Variants in IGHMBP2 observed in about 807,000 individuals in gnomAD.
IGHMBP2 encodes DNA-binding protein SMUBP-2.
Under a neutral mutation model 96.0 loss-of-function variants are expected in IGHMBP2, and 81 were observed. The observed-to-expected ratio is 0.84, with a 90% CI of 0.71 to 1.01. IGHMBP2 has a LOEUF of 1.01. Ranked by LOEUF, IGHMBP2 falls within the 50% of genes least tolerant of loss-of-function variation. IGHMBP2 has a pLI of 0.00. For synonymous variants in IGHMBP2, 557 were observed against 548.9 expected (o/e 1.01, Z -0.21); for missense variants, 1,227 against 1,306.3 (o/e 0.94, Z 0.94).
chr11:68,933,698 TA>T, intron 9 of IGHMBP2, 96 bp from the exon 10 acceptor site: 1 of 1,091,894 alleles, frequency 9.2e-7, no homozygotes. Flanking sequence ...CTCCCCTACC[TA>T]AGCCTTTTCC....
chr11:68,904,056 C>T lies in IGHMBP2; in HGVS notation c.86+18C>T. 6.5e-7 allele frequency: 1 copy of T among 1,542,584 alleles called. No individual in the cohort carries two copies. Among genetic ancestry groups the T allele is most frequent in the Non-Finnish European group, 8.8e-7 (1 of 1,140,386 alleles). On this transcript the variant is annotated intron_variant, in intron 1 of 14. Coordinates refer to ENST00000255078, the MANE Select transcript of IGHMBP2 (RefSeq NM_002180.3). Reference sequence around the variant, plus strand: ...GAGCGCAGGTACGGGAGGCCGCCGGCGCCGCTCCCTCGCGGTCGGTCCCGC... The same window carrying T: ...GAGCGCAGGTACGGGAGGCCGCCGGTGCCGCTCCCTCGCGGTCGGTCCCGC...
At chr11:68,914,110 T>C (rs1858554076) in intron 5 of IGHMBP2, among the ~76,000 whole-genome samples, 1 of 152,170 alleles carries the variant, frequency 6.6e-6, no homozygotes, top group Non-Finnish European at 1.5e-5. Context: ...AGATCTTTGA[T>C]ATTTTTTTGA....
At position 68,938,446 on chromosome 11, in the gene IGHMBP2, C is replaced by T. The variant is rs544760169; in HGVS notation, c.2784+92C>T. On this transcript the variant is annotated intron_variant, in intron 14 of 14. Transcript: ENST00000255078. ...AGACCCTGGGCAGACTTGTTCCAGT[C>T]GGAACAGTTAGCTCCTTACAATCTC... 2.8e-4 allele frequency: 329 copies of T among 1,170,818 alleles called. 1 individual carries two copies. The highest frequency in any genetic ancestry group is 3.7e-4 in the Non-Finnish European group (310 of 826,792). The allele number at this position is 1,170,818 out of a possible 1,614,324, so 72.5% of individuals were successfully genotyped here.
chr11:68,931,684 C>A (rs1303435634), intron 8 of IGHMBP2, among the ~76,000 whole-genome samples: 1 of 152,120 alleles, frequency 6.6e-6, no homozygotes. Flanking sequence ...ATGGCAGCAG[C>A]CACTGCCATC....
At chr11:68,934,861 C>T (rs774152348) in intron 11 of IGHMBP2, among the ~76,000 whole-genome samples, 3 of 152,250 alleles carry the variant, frequency 2.0e-5, no homozygotes, top group Non-Finnish European at 4.4e-5. Context: ...CACGGGCAGC[C>T]CTGGCGGAAC....
rs141107419 is a variant in IGHMBP2 at position 68,936,294 on chromosome 11, G to A, written c.1814G>A (p.Arg605Gln). The A allele has an allele frequency of 1.1e-5, 17 of 1,614,154 alleles. No homozygotes were observed. Among genetic ancestry groups the A allele is most frequent in the Admixed American group, 5.0e-5 (3 of 60,036 alleles). The part of the protein sequence containing the change: ...RRINVAVTRA[R>Q]RHVAVICDSR... ...ATCAACGTGGCTGTCACCCGTGCCC[G>A]ACGCCACGTGGCGGTCATCTGTGAC... The change falls in exon 13 of 15, where the codon CGA becomes CAA. Residue 605 changes from arginine to glutamine, a missense_variant. By Grantham distance (43) the Arg-to-Gln change is conservative. Around this residue, in one of 3 missense-constraint regions of IGHMBP2, gnomAD observed 703 missense variants for 770.3 expected, o/e 0.91. Coordinates refer to ENST00000255078, the MANE Select transcript of IGHMBP2 (RefSeq NM_002180.3).
At position 68,911,544 on chromosome 11, in the gene IGHMBP2, A is replaced by G; in HGVS notation, c.652A>G (p.Thr218Ala). The G allele has an allele frequency of 6.2e-7, 1 of 1,614,180 alleles. No homozygotes were observed. Among genetic ancestry groups the G allele is most frequent in the Non-Finnish European group, 8.5e-7 (1 of 1,180,026 alleles). Residue 218 changes from threonine to alanine, a missense_variant, in exon 5 of 15, where the codon ACT becomes GCT. This residue lies in a region of IGHMBP2 where 507 missense variants were observed against 496.9 expected (regional missense o/e 1.02). Coordinates refer to ENST00000255078, the MANE Select transcript of IGHMBP2 (RefSeq NM_002180.3). ...TGCCATCATCCATGGACCTCCTGGC[A>G]CTGGGAAAACCACGACTGTGGTTGA... ...ELAIIHGPPG[T>A]GKTTTVVEII...
intron 6 of IGHMBP2, among the ~76,000 whole-genome samples, chr11:68,917,428 C>T (rs769572268): frequency 2.6e-5 from 4 of 152,182 alleles, no homozygotes; most frequent in East Asian, 1.9e-4. Flanking sequence ...GGCGGGCAAG[C>T]GCTTTTTCTT....
At chr11:68,923,992 C>T (rs1045744472) in intron 7 of IGHMBP2, among the ~76,000 whole-genome samples, 1 of 152,200 alleles carries the variant, frequency 6.6e-6, no homozygotes, top group Non-Finnish European at 1.5e-5. Flanking sequence ...TCTGTACTCT[C>T]TCCTGGAAAC....
intron 6 of IGHMBP2, among the ~76,000 whole-genome samples, chr11:68,916,165 C>A (rs955272060): frequency 1.3e-5 from 2 of 151,870 alleles, no homozygotes; most frequent in African/African-American, 4.8e-5. Flanking sequence ...CAAAGCAAGA[C>A]TCCGTCTCAA....
rs1858626289 is a variant in IGHMBP2 at position 68,915,503 on chromosome 11, G to C, written c.912+480G>C. On this transcript the variant is annotated intron_variant, in intron 6 of 14. Transcript: ENST00000255078. ...CCTTTGTTTTTGTTTTTTTTTTTGA[G>C]ATGGAGTCTCGCTCTGTCACCCAGG... Among the ~76,000 whole-genome samples, 3 of 148,810 alleles carry C rather than the reference G, an allele frequency of 2.0e-5. No homozygotes were observed. In the South Asian group the frequency reaches 6.4e-4, roughly 32 times the overall value.
At chr11:68,924,949 ATTTTTGTCTCTGTGTTTTT>A (rs1487522383) in intron 7 of IGHMBP2, among the ~76,000 whole-genome samples, 1 of 151,838 alleles carries the variant, frequency 6.6e-6, no homozygotes, top group Non-Finnish European at 1.5e-5. Flanking sequence ...ACATTATGAG[ATTTTTGTCTCTGTGTTTTT>A]TTTTTAAGCT....
At position 68,908,627 on chromosome 11, in the gene IGHMBP2, A is replaced by T. The variant is rs1858297578; in HGVS notation, c.543A>T (p.Glu181Asp). 1 of 1,606,386 alleles carries T rather than the reference A, an allele frequency of 6.2e-7. No homozygotes were observed. The highest frequency in any genetic ancestry group is 8.5e-7 in the Non-Finnish European group (1 of 1,173,002). Residue 181 changes from glutamate to aspartate, a missense_variant, in exon 4 of 15, where the codon GAA (glutamate) becomes GAT (aspartate). By Grantham distance (45) the Glu-to-Asp change is conservative. Transcript: ENST00000255078. ...FGRSAPSPAS[E>D]IHPLTFFNTC... ...GATCTGCTCCCAGTCCTGCCAGTGA[A>T]ATACGTAAGAACTTCTGAGTTTTCT... is the stretch of plus-strand genomic sequence containing the variant.
chr11:68,936,946 G>A lies in IGHMBP2; in HGVS notation c.2466G>A (p.Gln822=), dbSNP rs1218404642. The part of the protein sequence containing the change: ...PAQTEQPPRE[Q]RGPDQPDLRT... Reference sequence around the variant, plus strand: ...AGACAGAGCAGCCTCCCAGGGAGCAGCGTGGCCCAGACCAGCCTGATCTGA... The same window carrying A: ...AGACAGAGCAGCCTCCCAGGGAGCAACGTGGCCCAGACCAGCCTGATCTGA... The change falls in exon 13 of 15, where the codon CAG becomes CAA. Residue 822 remains glutamine, a synonymous_variant. Transcript: ENST00000255078. 1.8e-5 allele frequency: 29 copies of A among 1,603,812 alleles called. No individual in the cohort carries two copies. The highest frequency in any genetic ancestry group is 2.3e-5 in the Non-Finnish European group (27 of 1,175,758).
chr11:68,907,159 G>T (rs1858234671), intron 2 of IGHMBP2, among the ~76,000 whole-genome samples: 1 of 152,128 alleles, frequency 6.6e-6, no homozygotes, highest in Non-Finnish European at 1.5e-5. Context: ...TACTTGATGG[G>T]CTGAGGCAGG....
chr11:68,916,856 A>T (rs556464012), intron 6 of IGHMBP2, among the ~76,000 whole-genome samples: 1 of 152,048 alleles, frequency 6.6e-6, no homozygotes, highest in South Asian at 2.1e-4. Flanking sequence ...TTTCCTGTTG[A>T]AATTGGTGCT....
chr11:68,911,296 TTTGTGTTGA>T, intron 4 of IGHMBP2, 135 bp from the exon 5 acceptor site: 1 of 760,982 alleles, frequency 1.3e-6, no homozygotes, highest in Non-Finnish European at 2.3e-6. Context: ...CAGACTTAAT[TTTGTGTTGA>T]TTGGGTTGCC....
At position 68,914,947 on chromosome 11, in the gene IGHMBP2, C is replaced by T. The variant is rs1340372547; in HGVS notation, c.836C>T (p.Ser279Phe). 5.6e-6 allele frequency: 9 copies of T among 1,614,096 alleles called. No homozygotes were observed. The highest frequency in any genetic ancestry group is 8.5e-7 in the Non-Finnish European group (1 of 1,180,024). ...CTCCTGGAGTCCATTCAGCAGCACT[C>T]CCTGGATGCGGTTTTAGCGCGGAGC... ...ARLLESIQQHSLDAVLARSDS... is the reference protein window; with the variant it reads ...ARLLESIQQHFLDAVLARSDS... The change falls in exon 6 of 15, where the codon TCC becomes TTC. Residue 279 changes from serine (S) to phenylalanine (F), a missense_variant. Ser to Phe is a radical substitution (Grantham distance 155). Around this residue, in one of 3 missense-constraint regions of IGHMBP2, gnomAD observed 507 missense variants for 496.9 expected, o/e 1.02. Coordinates refer to ENST00000255078, the MANE Select transcript of IGHMBP2 (RefSeq NM_002180.3).
At chr11:68,933,651 G>A (rs1859405081) in intron 9 of IGHMBP2, 144 bp from the exon 10 acceptor site, 9 of 997,066 alleles carry the variant, frequency 9.0e-6, no homozygotes, top group Admixed American at 4.0e-5. Context: ...GGTCAGGCCC[G>A]CTCCCTCCCT....
Sources: allele counts gnomAD v4.1 joint callset (sites outside exome capture counted in the v4.1 genomes callset), GRCh38; gene constraint gnomAD v4.1.1; regional missense constraint gnomAD v4.1.1; transcripts MANE v1.5; gene names NCBI Gene and HGNC (gene_info 2026-07-23, HGNC 2026-07-21).